VPS13B: variants seen among roughly 807,000 people sequenced by gnomAD.
VPS13B encodes intermembrane lipid transfer protein VPS13B.
In VPS13B, 285 loss-of-function variants were observed where a neutral mutation model predicts 426.4. The ratio of observed to expected loss-of-function variants is 0.67; its 90% CI spans 0.61 to 0.74. The LOEUF (loss-of-function observed/expected upper bound fraction) is 0.74, where lower values mean the gene tolerates loss of function less well. Among genes scored for constraint, VPS13B ranks in the 30% least tolerant of loss-of-function variants. The probability of loss-of-function intolerance (pLI) is 0.00; values close to 1 mark genes in which losing one functional copy is unlikely to be tolerated. For synonymous variants in VPS13B, 1,676 were observed against 1,676.4 expected (o/e 1.00, Z 0.01); for missense variants, 4,537 against 4,782.6 (o/e 0.95, Z 1.51).
chr8:99,600,397 C>A (rs1827229874), intron 33 of VPS13B, among the ~76,000 whole-genome samples: 1 of 152,110 alleles, frequency 6.6e-6, no homozygotes, highest in South Asian at 2.1e-4. Flanking sequence ...GTTTAGTGAC[C>A]TAACCGGTAT....
chr8:99,034,136 G>A (rs1842636236), intron 2 of VPS13B, among the ~76,000 whole-genome samples: 1 of 152,186 alleles, frequency 6.6e-6, no homozygotes, highest in Admixed American at 6.5e-5. Context: ...CCAGGAGATG[G>A]TTGTTGTTTC....
At chr8:99,021,510 A>T (rs1007070510) in intron 2 of VPS13B, among the ~76,000 whole-genome samples, 16 of 151,908 alleles carry the variant, frequency 1.1e-4, no homozygotes, top group African/African-American at 3.9e-4. Context: ...AATCCCAGCT[A>T]CTCAGGAGGC....
intron 19 of VPS13B, among the ~76,000 whole-genome samples, chr8:99,343,604 C>T (rs1317832989): frequency 6.6e-6 from 1 of 152,028 alleles, no homozygotes; most frequent in Non-Finnish European, 1.5e-5. Flanking sequence ...TTGCAGAATA[C>T]AAAATCAACG....
At chr8:99,160,970 C>T (rs974237498) in intron 15 of VPS13B, among the ~76,000 whole-genome samples, 3 of 152,132 alleles carry the variant, frequency 2.0e-5, no homozygotes, top group Non-Finnish European at 4.4e-5. Context: ...GGAAGAACAA[C>T]AGATCACATT....
At chr8:99,398,814 A>T (rs1050753409) in intron 21 of VPS13B, among the ~76,000 whole-genome samples, 2 of 143,918 alleles carry the variant, frequency 1.4e-5, no homozygotes, top group Non-Finnish European at 1.5e-5. Flanking sequence ...TGGGACAAGT[A>T]TTTTTTTTTT....
intron 3 of VPS13B, among the ~76,000 whole-genome samples, chr8:99,062,264 C>T (rs1844230006): frequency 6.6e-6 from 1 of 152,056 alleles, no homozygotes; most frequent in African/African-American, 2.4e-5. Context: ...ATACAAATGC[C>T]AATGCTACAA....
At position 99,273,792 on chromosome 8, in the gene VPS13B, C is replaced by CA. The variant is rs533708072; in HGVS notation, c.2516-397dup. On this transcript the variant is annotated intron_variant, in intron 17 of 61. Transcript: ENST00000357162. ...TGGGTGACAGAGTGAGACTCTGTCTCAAAAAAAAATAAAAAATAAAAAATA... is the reference window on the plus strand; with the variant it reads ...TGGGTGACAGAGTGAGACTCTGTCTCAAAAAAAAAATAAAAAATAAAAAATA... 1.7e-3 allele frequency among the ~76,000 whole-genome samples: 241 copies of CA among 144,524 alleles called. 3 individuals are homozygous for CA. The East Asian group carries it at 0.028, about 17-fold the overall frequency. The allele number at this position is 144,524 out of a possible 152,430, so 94.8% of individuals were successfully genotyped here.
chr8:99,301,498 C>T (rs2133072755), intron 19 of VPS13B, among the ~76,000 whole-genome samples: 1 of 152,178 alleles, frequency 6.6e-6, no homozygotes, highest in Admixed American at 6.5e-5. Context: ...CCATGTTGGT[C>T]AGGCTGGTCT....
chr8:99,868,528 G>C, intron 59 of VPS13B, 63 bp downstream of exon 59: 1 of 1,550,980 alleles, frequency 6.4e-7, no homozygotes, highest in Non-Finnish European at 8.7e-7. Context: ...CTTATACCAA[G>C]GGTTCCCTAA....
At chr8:99,819,640 T>G in intron 48 of VPS13B, 58 bp downstream of exon 48, 3 of 1,563,550 alleles carry the variant, frequency 1.9e-6, no homozygotes, top group Non-Finnish European at 1.7e-6. Context: ...CAAATGATCA[T>G]TCACAAAAAT....
At chr8:99,324,653 G>A (rs1810146869) in intron 19 of VPS13B, among the ~76,000 whole-genome samples, 1 of 152,124 alleles carries the variant, frequency 6.6e-6, no homozygotes, top group South Asian at 2.1e-4. Flanking sequence ...CACATATATA[G>A]CTGTTTAATT....
intron 19 of VPS13B, among the ~76,000 whole-genome samples, chr8:99,331,932 T>G (rs1810566655): frequency 6.6e-6 from 1 of 151,754 alleles, no homozygotes; most frequent in Non-Finnish European, 1.5e-5. Context: ...GATAAAGGAA[T>G]ACTTAACACA....
At chr8:99,119,188 A>G (rs1847819779) in intron 7 of VPS13B, among the ~76,000 whole-genome samples, 2 of 151,986 alleles carry the variant, frequency 1.3e-5, no homozygotes, top group Non-Finnish European at 2.9e-5. Flanking sequence ...TGTGTTAAAT[A>G]TTTGTCCATT....
At chr8:99,617,055 C>T (rs1033987565) in intron 33 of VPS13B, among the ~76,000 whole-genome samples, 4 of 152,134 alleles carry the variant, frequency 2.6e-5, no homozygotes, top group Admixed American at 6.5e-5. Flanking sequence ...TAGCATATTA[C>T]ATGAAGGCAG....
chr8:99,319,513 A>G (rs1382372127), intron 19 of VPS13B, among the ~76,000 whole-genome samples: 1 of 152,196 alleles, frequency 6.6e-6, no homozygotes, highest in African/African-American at 2.4e-5. Flanking sequence ...ATTGTTCAGG[A>G]TGTACGACTG....
At chr8:99,865,791 T>A (rs561782941) in intron 58 of VPS13B, among the ~76,000 whole-genome samples, 1 of 152,176 alleles carries the variant, frequency 6.6e-6, no homozygotes, top group Non-Finnish European at 1.5e-5. Flanking sequence ...GTCCTTCTGA[T>A]AGTGTGACAA....
At chr8:99,709,574 C>T (rs559249561) in intron 36 of VPS13B, among the ~76,000 whole-genome samples, 14 of 152,272 alleles carry the variant, frequency 9.2e-5, no homozygotes, top group East Asian at 5.8e-4. Context: ...TGCTACACCT[C>T]GTTTAGTTTA....
At position 99,103,400 on chromosome 8, in the gene VPS13B, G is replaced by T. The variant is rs1364926458; in HGVS notation, c.580+280G>T. On this transcript the variant is annotated intron_variant, in intron 5 of 61. Transcript: ENST00000357162. ...GCTGGAGTGCAGTGGTGTGATCTCA[G>T]CTCACTGCAACCTCTGCCTCCCGGG... is the stretch of plus-strand genomic sequence containing the variant. 2.0e-5 allele frequency among the ~76,000 whole-genome samples: 3 copies of T among 151,844 alleles called. No homozygotes were observed. The East Asian group carries it at 5.8e-4, about 29-fold the overall frequency.
intron 19 of VPS13B, among the ~76,000 whole-genome samples, chr8:99,290,455 T>C (rs1345967855): frequency 3.2e-4 from 48 of 151,956 alleles, no homozygotes; most frequent in Non-Finnish European, 3.7e-4. Context: ...AATTGAACGA[T>C]GAGAACACTT....
Sources: gnomAD v4.1 joint callset for allele counts (sites outside exome capture counted in the v4.1 genomes callset) on GRCh38, gnomAD v4.1.1 for gene constraint, MANE v1.5 for transcripts, NCBI Gene and HGNC (gene_info 2026-07-23, HGNC 2026-07-21) for gene names.